The following LRP5 variants were observed in gnomAD, a reference collection of about 807,000 sequenced individuals.
The protein encoded by LRP5 is low-density lipoprotein receptor-related protein 5.
Under a neutral mutation model 154.1 loss-of-function variants are expected in LRP5, and 62 were observed. That is an observed-to-expected ratio of 0.40 (90% CI 0.33 to 0.50). The LOEUF is 0.50. Among genes scored for constraint, LRP5 ranks in the 20% least tolerant of loss-of-function variants. The pLI is 0.55. For synonymous variants in LRP5, 966 were observed against 1,011.5 expected, an observed-to-expected ratio of 0.96 and a Z score of 0.85; for missense variants, 1,915 against 2,336.7, an observed-to-expected ratio of 0.82 and a Z score of 3.72.
intron 17 of LRP5, among the ~76,000 whole-genome samples, chr11:68,433,127 G>T (rs1565110721): frequency 6.6e-6 from 1 of 152,204 alleles, no homozygotes; most frequent in African/African-American, 2.4e-5. Context: ...TCCCACACCC[G>T]CAACAGGTGT....
chr11:68,402,152 G>A (rs2098652936), intron 7 of LRP5, among the ~76,000 whole-genome samples: 1 of 152,228 alleles, frequency 6.6e-6, no homozygotes, highest in African/African-American at 2.4e-5. Flanking sequence ...GAGGCCTGTG[G>A]AAGCTTGCCT....
At chr11:68,367,282 G>A (rs1223354159) in intron 5 of LRP5, among the ~76,000 whole-genome samples, 1 of 152,222 alleles carries the variant, frequency 6.6e-6, no homozygotes, top group East Asian at 1.9e-4. Flanking sequence ...CAGGTTGGAT[G>A]AGCCCTTTGT....
Position 68,433,496 on chromosome 11 carries a change from C to T in LRP5, c.3764-106C>T. The T allele has an allele frequency of 8.9e-6, 9 of 1,015,426 alleles. No homozygotes were observed. In the South Asian group the frequency reaches 1.1e-4, roughly 13 times the overall value. 62.9% of individuals were successfully genotyped at this position (1,015,426 alleles called of 1,614,324 possible). A position where few individuals can be genotyped will look rare whatever the true frequency, so the allele number is the denominator to read the frequency against. On this transcript the variant is annotated intron_variant, in intron 17 of 22. Coordinates refer to ENST00000294304, the MANE Select transcript of LRP5 (RefSeq NM_002335.4). ...CACCCCGTACAGCAGGGATGCCAAA[C>T]CCGCGCTGAGTCCCTCTCAACTTCT...
In LRP5 at chr11:68,442,738, G is replaced by C. The variant is rs576156058; in HGVS notation, c.4488+2822G>C. ...TAGAGCTCTACCGTAACCCATCTCC[G>C]GGAGGAGGTGCTATTGTTTTCCTCA... On this transcript the variant is annotated intron_variant, in intron 21 of 22. Transcript: ENST00000294304. 2.0e-5 allele frequency among the ~76,000 whole-genome samples: 3 copies of C among 152,324 alleles called. No homozygotes were observed. In the East Asian group the frequency reaches 5.8e-4, roughly 29 times the overall value.
chr11:68,401,769 A>G (rs577739903), intron 7 of LRP5, among the ~76,000 whole-genome samples: 2 of 152,116 alleles, frequency 1.3e-5, no homozygotes, highest in Non-Finnish European at 1.5e-5. Context: ...GCTCACTGCA[A>G]TCTTCGCTAG....
chr11:68,309,135 A>G (rs1409352276), upstream of LRP5, among the ~76,000 whole-genome samples: 3 of 151,670 alleles, frequency 2.0e-5, no homozygotes, highest in Admixed American at 2.0e-4. Context: ...GAGTTTCACC[A>G]TGTTAGCCAG....
At chr11:68,326,015 A>G (rs552682795) in intron 1 of LRP5, among the ~76,000 whole-genome samples, 3 of 152,312 alleles carry the variant, frequency 2.0e-5, no homozygotes, top group East Asian at 3.9e-4. Context: ...GGCCGAAACC[A>G]TCTCAGCTCT....
Position 68,344,306 on chromosome 11 carries a change from G to T in LRP5, c.92-3541G>T, listed in dbSNP as rs74719983. Reference sequence around the variant, plus strand: ...CTGCAGTTATAACATCCCATTTTTTGATTTCTTTTTATTTTTTCCTTTTTC... The same window carrying T: ...CTGCAGTTATAACATCCCATTTTTTTATTTCTTTTTATTTTTTCCTTTTTC... On this transcript the variant is annotated intron_variant, in intron 1 of 22. Transcript: ENST00000294304. Among the ~76,000 whole-genome samples, 1,293 of 152,146 alleles carry T rather than the reference G, an allele frequency of 8.5e-3. 7 individuals are homozygous for T. Among genetic ancestry groups the T allele is most frequent in the Non-Finnish European group, 0.011 (757 of 67,994 alleles).
intron 1 of LRP5, among the ~76,000 whole-genome samples, chr11:68,339,254 C>A (rs913259277): frequency 2.0e-5 from 3 of 152,064 alleles, no homozygotes; most frequent in African/African-American, 7.2e-5. Context: ...CAGCTCACCG[C>A]AACCTCCACC....
chr11:68,357,883 C>T, intron 3 of LRP5, 36 bp downstream of exon 3: 1 of 1,576,444 alleles, frequency 6.3e-7, no homozygotes, highest in Non-Finnish European at 8.6e-7. Flanking sequence ...ACCCCTTTCC[C>T]CTTTGTCCCC....
chr11:68,341,624 G>A (rs553647264), intron 1 of LRP5, among the ~76,000 whole-genome samples: 4 of 152,110 alleles, frequency 2.6e-5, no homozygotes, highest in South Asian at 2.1e-4. Flanking sequence ...GTGGGAAGGC[G>A]CCCAGAGGAC....
At chr11:68,339,152 G>A (rs944000150) in intron 1 of LRP5, among the ~76,000 whole-genome samples, 2 of 151,898 alleles carry the variant, frequency 1.3e-5, no homozygotes, top group African/African-American at 4.8e-5. Flanking sequence ...GGCATTACAG[G>A]TGTAAGACAC....
chr11:68,347,565 C>T (rs2098614171), intron 1 of LRP5, among the ~76,000 whole-genome samples: 1 of 152,186 alleles, frequency 6.6e-6, no homozygotes, highest in East Asian at 1.9e-4. Flanking sequence ...GGAAGGGTCA[C>T]CCATATCTGG....
At chr11:68,418,364 T>C (rs2098663738) in intron 13 of LRP5, among the ~76,000 whole-genome samples, 1 of 151,570 alleles carries the variant, frequency 6.6e-6, no homozygotes, top group South Asian at 2.1e-4. Flanking sequence ...ACCATGTCAT[T>C]GCACTCCAGC....
In LRP5 at chr11:68,347,846, G is replaced by A; in HGVS notation, c.92-1G>A. 6.2e-7 allele frequency: 1 copy of A among 1,613,110 alleles called. No homozygotes were observed. Among genetic ancestry groups the A allele is most frequent in the Non-Finnish European group, 8.5e-7 (1 of 1,179,988 alleles). ...CCTCACGGTTTGCTTCTGCCCCACA[G>A]CCTCGCCGCTCCTGCTATTTGCCAA... On this transcript the variant is annotated splice_acceptor_variant, in intron 1 of 22. Coordinates refer to ENST00000294304, the MANE Select transcript of LRP5 (RefSeq NM_002335.4). LOFTEE classifies it high-confidence loss of function.
chr11:68,366,658 G>A (rs2098631226), intron 5 of LRP5, among the ~76,000 whole-genome samples: 1 of 152,172 alleles, frequency 6.6e-6, no homozygotes, highest in Non-Finnish European at 1.5e-5. Context: ...CTGAGAGCAG[G>A]GCATCTTTAA....
intron 21 of LRP5, among the ~76,000 whole-genome samples, chr11:68,441,083 C>A (rs1275929396): frequency 7.0e-6 from 1 of 143,762 alleles, no homozygotes; most frequent in East Asian, 2.2e-4. Flanking sequence ...CTTTTCTTTT[C>A]TTTTCTTTTT....
chr11:68,412,253 T>C, intron 11 of LRP5, among the ~76,000 whole-genome samples: 1 of 152,144 alleles, frequency 6.6e-6, no homozygotes, highest in East Asian at 1.9e-4. Context: ...TAGTTAGCTG[T>C]CCTGGGTGAT....
At chr11:68,397,749 C>T (rs941446163) in intron 7 of LRP5, among the ~76,000 whole-genome samples, 8 of 152,220 alleles carry the variant, frequency 5.3e-5, no homozygotes, top group African/African-American at 1.2e-4. Context: ...TTGGGGTCTC[C>T]GTGCTGACCC....
Sources: gnomAD v4.1 joint callset for allele counts (sites outside exome capture counted in the v4.1 genomes callset) on GRCh38, gnomAD v4.1.1 for gene constraint, MANE v1.5 for transcripts, NCBI Gene and HGNC (gene_info 2026-07-23, HGNC 2026-07-21) for gene names.